SLC28A1: variants seen among roughly 807,000 people sequenced by gnomAD.
The protein encoded by SLC28A1 is sodium/nucleoside cotransporter 1.
SLC28A1 carries 64 observed loss-of-function variants against 74.8 expected under a neutral mutation model. That is an observed-to-expected ratio of 0.86 (90% CI 0.70 to 1.05). The LOEUF is 1.05. Ranked by LOEUF, SLC28A1 falls within the 50% of genes least tolerant of loss-of-function variation. The pLI, the probability that SLC28A1 is intolerant of heterozygous loss-of-function variation, is 0.00. For missense variants in SLC28A1, 828 were observed against 822.8 expected (o/e 1.01, Z -0.08); for synonymous variants, 359 against 335.0 (o/e 1.07, Z -0.78).
At chr15:84,940,058 C>A (rs1001898122) in intron 15 of SLC28A1, among the ~76,000 whole-genome samples, 1 of 152,174 alleles carries the variant, frequency 6.6e-6, no homozygotes, top group African/African-American at 2.4e-5. Context: ...AAACTCCTGA[C>A]CTCAAGCAAT....
At chr15:84,947,124 G>A (rs1400264588), downstream of SLC28A1, among the ~76,000 whole-genome samples, 1 of 152,232 alleles carries the variant, frequency 6.6e-6, no homozygotes, top group African/African-American at 2.4e-5. Context: ...AGCCCCACAG[G>A]CTGACCTGGG....
intron 9 of SLC28A1, among the ~76,000 whole-genome samples, chr15:84,914,337 G>A (rs1017318259): frequency 2.0e-5 from 3 of 152,130 alleles, no homozygotes; most frequent in African/African-American, 7.2e-5. Context: ...CATCACCTAG[G>A]GAATTTGGTT....
chr15:84,922,038 T>A (rs1263700328), intron 11 of SLC28A1, among the ~76,000 whole-genome samples: 1 of 152,102 alleles, frequency 6.6e-6, no homozygotes, highest in Non-Finnish European at 1.5e-5. Flanking sequence ...GATGCCGGGG[T>A]CTACGCCTCA....
At chr15:84,911,780 A>G (rs1388387716) in intron 9 of SLC28A1, among the ~76,000 whole-genome samples, 1 of 149,844 alleles carries the variant, frequency 6.7e-6, no homozygotes, top group Non-Finnish European at 1.5e-5. Context: ...AATGACTTGA[A>G]CCTGGGAGAC....
At position 84,904,221 on chromosome 15, in the gene SLC28A1, T is replaced by G; in HGVS notation, c.586T>G (p.Ser196Ala). 1 of 1,614,072 alleles carries G rather than the reference T, an allele frequency of 6.2e-7. No homozygotes were observed. Among genetic ancestry groups the G allele is most frequent in the Non-Finnish European group, 8.5e-7 (1 of 1,180,038 alleles). The change falls in exon 7 of 19, where the codon TCA (serine) becomes GCA (alanine). Residue 196 changes from serine to alanine, a missense_variant. Coordinates refer to ENST00000394573, the MANE Select transcript of SLC28A1 (RefSeq NM_004213.5). ...GTTCGTCGCTCTCCTCTTTGCCTGC[T>G]CAAAGCATCATTGCGCAGTGAGTGC... Reference protein sequence around the residue: ...CVFVALLFACSKHHCAVSWRA... With the variant: ...CVFVALLFACAKHHCAVSWRA...
chr15:84,895,798 A>C, intron 6 of SLC28A1: 1 of 1,168,606 alleles, frequency 8.6e-7, no homozygotes, highest in Non-Finnish European at 1.1e-6. Flanking sequence ...AAGTCTGAAG[A>C]CCACCAGTCT....
the SLC28A1 span, among the ~76,000 whole-genome samples, chr15:84,965,430 T>A: frequency 6.6e-6 from 1 of 152,196 alleles, no homozygotes; most frequent in Non-Finnish European, 1.5e-5. Flanking sequence ...TGGCAATACA[T>A]GGAAGTCTCC....
At chr15:84,925,406 C>T (rs1168642617) in intron 12 of SLC28A1, among the ~76,000 whole-genome samples, 2 of 151,772 alleles carry the variant, frequency 1.3e-5, no homozygotes, top group Non-Finnish European at 2.9e-5. Context: ...TGAGAGCAGC[C>T]CGGCCAACAT....
chr15:84,928,585 T>TC (rs1567172355), intron 12 of SLC28A1, among the ~76,000 whole-genome samples: 3 of 20,122 alleles, frequency 1.5e-4, no homozygotes, highest in Admixed American at 8.1e-4. Flanking sequence ...TTTCTTTCTT[T>TC]CTTTCTTTCT....
the SLC28A1 span, chr15:84,975,571 T>C: frequency 4.4e-6 from 2 of 456,132 alleles, no homozygotes; most frequent in South Asian, 3.1e-5. Flanking sequence ...TTGTTAAGTA[T>C]CTTGGAGGCT....
At chr15:84,912,806 GCACACACACA>G (rs199525878) in intron 9 of SLC28A1, among the ~76,000 whole-genome samples, 55 of 112,288 alleles carry the variant, frequency 4.9e-4, no homozygotes, top group East Asian at 1.1e-3. Context: ...TTGCGCGCGC[GCACACACACA>G]CACACACACA....
intron 5 of SLC28A1, among the ~76,000 whole-genome samples, chr15:84,893,570 C>T (rs368349439): frequency 4.6e-5 from 7 of 151,834 alleles, no homozygotes; most frequent in African/African-American, 1.7e-4. Flanking sequence ...TGGGGGTCAC[C>T]GGGGGGGCTT....
chr15:84,966,138 T>C, the SLC28A1 span, among the ~76,000 whole-genome samples: 1 of 152,188 alleles, frequency 6.6e-6, no homozygotes, highest in Non-Finnish European at 1.5e-5. Context: ...AGTGCAGTGG[T>C]GCAGTCTTGG....
At chr15:84,949,405 G>A (rs2079340095), downstream of SLC28A1, among the ~76,000 whole-genome samples, 2 of 151,994 alleles carry the variant, frequency 1.3e-5, no homozygotes, top group South Asian at 4.2e-4. Context: ...TGTTTTGTTT[G>A]AGATGGGGCC....
At chr15:84,931,996 T>C (rs1971361569) in intron 12 of SLC28A1, among the ~76,000 whole-genome samples, 1 of 122,728 alleles carries the variant, frequency 8.1e-6, no homozygotes, top group Non-Finnish European at 1.9e-5. Flanking sequence ...AGCAAGACTC[T>C]GTCTTGGAAA....
At chr15:84,888,950 T>G (rs17222309) in intron 4 of SLC28A1, 90 bp downstream of exon 4, 2 of 897,688 alleles carry the variant, frequency 2.2e-6, no homozygotes, top group Non-Finnish European at 3.6e-6. Context: ...CGGATGGGAG[T>G]TGGGGGGACG....
the SLC28A1 span, among the ~76,000 whole-genome samples, chr15:84,958,504 T>C: frequency 2.0e-5 from 3 of 151,604 alleles, no homozygotes; most frequent in African/African-American, 7.3e-5. Flanking sequence ...AATAGCTTAG[T>C]AGGGAATATA....
chr15:84,956,828 A>T, the SLC28A1 span, among the ~76,000 whole-genome samples: 3 of 151,928 alleles, frequency 2.0e-5, no homozygotes, highest in Non-Finnish European at 4.4e-5. Flanking sequence ...GTTCCTTCTG[A>T]ACATATCACC....
intron 11 of SLC28A1, 69 bp downstream of exon 11, chr15:84,921,138 C>T: frequency 2.6e-6 from 3 of 1,167,350 alleles, no homozygotes; most frequent in South Asian, 1.2e-5. Context: ...TTCCCTGGAT[C>T]CCCAGAGCTC....
Sources: allele counts gnomAD v4.1 joint callset (sites outside exome capture counted in the v4.1 genomes callset), GRCh38; gene constraint gnomAD v4.1.1; transcripts MANE v1.5; gene names NCBI Gene and HGNC (gene_info 2026-07-23, HGNC 2026-07-21).